Variants in ITPRID2 observed in about 807,000 individuals in gnomAD.
ITPRID2 encodes ITPR interacting domain containing 2.
In ITPRID2, 60 loss-of-function variants were observed where a neutral mutation model predicts 124.3. The observed-to-expected ratio is 0.48, with a 90% CI of 0.39 to 0.60. ITPRID2 has a LOEUF of 0.60. ITPRID2 is among the 20% of genes least tolerant of loss of function. The probability of loss-of-function intolerance (pLI) is 0.00; values close to 1 mark genes in which losing one functional copy is unlikely to be tolerated. For missense variants in ITPRID2, 1,553 were observed against 1,512.2 expected, an observed-to-expected ratio of 1.03 and a Z score of -0.45; for synonymous variants, 521 against 542.9, an observed-to-expected ratio of 0.96 and a Z score of 0.56.
chr2:181,926,261 C>T (rs1369475340), intron 16 of ITPRID2, among the ~76,000 whole-genome samples: 4 of 151,988 alleles, frequency 2.6e-5, no homozygotes, highest in Admixed American at 2.6e-4. Flanking sequence ...AAGACTCTGT[C>T]ACAAAAATAA....
chr2:181,911,521 A>C (rs1167968663), intron 9 of ITPRID2, among the ~76,000 whole-genome samples: 1 of 152,182 alleles, frequency 6.6e-6, no homozygotes, highest in African/African-American at 2.4e-5. Flanking sequence ...GAATAGATAG[A>C]CAGTTGTTTG....
Position 181,915,458 on chromosome 2 carries a change from A to T in ITPRID2, c.1818A>T (p.Gly606=). 1 of 1,614,222 alleles carries T rather than the reference A, an allele frequency of 6.2e-7. No homozygotes were observed. Among genetic ancestry groups the T allele is most frequent in the Non-Finnish European group, 8.5e-7 (1 of 1,180,042 alleles). The change falls in exon 11 of 18, where the codon GGA becomes GGT. Residue 606 remains glycine, a synonymous_variant. Transcript: ENST00000431877. The part of the protein sequence containing the change: ...FPQCNTIENT[G]TKQSTCSPGD... ...AGTGCAACACCATTGAGAATACAGGAACTAAACAGTCCACCTGTAGTCCAG... is the reference window on the plus strand; with the variant it reads ...AGTGCAACACCATTGAGAATACAGGTACTAAACAGTCCACCTGTAGTCCAG...
rs1558972318 is a variant in ITPRID2, at chr2:181,892,390, G to T, written c.211+113G>T. ...GAGCCTCGGGCACGGTAGGCCGAGGGGAGAGGGGACACTTCCGACCTTCAA... is the reference window on the plus strand; with the variant it reads ...GAGCCTCGGGCACGGTAGGCCGAGGTGAGAGGGGACACTTCCGACCTTCAA... On this transcript the variant is annotated intron_variant, in intron 1 of 17. Transcript: ENST00000431877. The surrounding 1 kb of genome is among the most constrained non-coding windows in gnomAD (Gnocchi z 5.2). 3 of 1,290,800 alleles carry T rather than the reference G, an allele frequency of 2.3e-6. No individual in the cohort carries two copies. In the East Asian group the frequency reaches 7.6e-5, roughly 33 times the overall value. 80.0% of individuals were successfully genotyped at this position (1,290,800 alleles called of 1,614,324 possible).
chr2:181,907,598 A>T lies in ITPRID2; in HGVS notation c.1414-2301A>T, dbSNP rs1394048159. On this transcript the variant is annotated intron_variant, in intron 8 of 17. Transcript: ENST00000431877. This position sits in a 1 kb window ranked among gnomAD's most constrained non-coding sequence, Gnocchi z 5.1. Reference sequence around the variant, plus strand: ...TCTTGTTAATTATGAAAGGCTGCTTATAGCAAATGACCAGAATTCTACGGA... The same window carrying T: ...TCTTGTTAATTATGAAAGGCTGCTTTTAGCAAATGACCAGAATTCTACGGA... Among the ~76,000 whole-genome samples the T allele has an allele frequency of 6.6e-6, 1 of 152,216 alleles. No individual in the cohort carries two copies. Among genetic ancestry groups the T allele is most frequent in the African/African-American group, 2.4e-5 (1 of 41,456 alleles).
At position 181,910,134 on chromosome 2, in the gene ITPRID2, A is replaced by AT. The variant is rs1693485732; in HGVS notation, c.1486+169dup. Among the ~76,000 whole-genome samples the AT allele has an allele frequency of 6.6e-6, 1 of 152,208 alleles. No individual in the cohort carries two copies. The highest frequency in any genetic ancestry group is 1.9e-4 in the East Asian group (1 of 5,168). ...CTATTGTTTGTAGAACTTTTTTTGT[A>AT]TTTTTTAAAAGACTTTTTAAAAATT... On this transcript the variant is annotated intron_variant, in intron 9 of 17. Coordinates refer to ENST00000431877, the MANE Select transcript of ITPRID2 (RefSeq NM_001130445.3). This position sits in a 1 kb window ranked among gnomAD's most constrained non-coding sequence, Gnocchi z 4.1.
intron 11 of ITPRID2, chr2:181,917,064 T>A (rs568115268): frequency 1.8e-4 from 175 of 959,258 alleles, no homozygotes; most frequent in African/African-American, 1.4e-3. Flanking sequence ...AAAGTCATTC[T>A]CAGATTTGTT....
intron 6 of ITPRID2, 103 bp from the exon 7 acceptor site, chr2:181,900,593 T>G: frequency 1.2e-6 from 1 of 844,144 alleles, no homozygotes; most frequent in Non-Finnish European, 1.8e-6. Flanking sequence ...GAAAAAAGAT[T>G]TTATCACAGG....
rs562571222 is a variant in ITPRID2 at position 181,930,049 on chromosome 2, T to C, written c.*502T>C. 6.5e-6 allele frequency: 1 copy of C among 153,804 alleles called. No homozygotes were observed. The allele number at this position is 153,804 out of a possible 1,614,324, so 9.5% of individuals were successfully genotyped here. Reference sequence around the variant, plus strand: ...AAAAACTGTTCTGTTGTAAAAAATATAATTGCTCTTAATTCTTGGGGAGGT... The same window carrying C: ...AAAAACTGTTCTGTTGTAAAAAATACAATTGCTCTTAATTCTTGGGGAGGT... On this transcript the variant is annotated 3_prime_UTR_variant, in exon 18 of 18. Transcript: ENST00000431877.
intron 9 of ITPRID2, among the ~76,000 whole-genome samples, chr2:181,912,795 G>A (rs1266705443): frequency 6.6e-6 from 1 of 152,150 alleles, no homozygotes; most frequent in Non-Finnish European, 1.5e-5. Context: ...TACTTGCTAT[G>A]CTTAGTTGGC....
intron 15 of ITPRID2, among the ~76,000 whole-genome samples, chr2:181,921,219 T>C (rs1404393479): frequency 6.6e-6 from 1 of 151,996 alleles, no homozygotes; most frequent in African/African-American, 2.4e-5. Flanking sequence ...GGCTCATGCC[T>C]GTAATCCCAG....
In ITPRID2 at chr2:181,892,515, A is replaced by G; in HGVS notation, c.212-100A>G. 6.9e-7 allele frequency: 1 copy of G among 1,459,258 alleles called. No homozygotes were observed. The highest frequency in any genetic ancestry group is 1.1e-5 in the South Asian group (1 of 87,464). 90.4% of individuals were successfully genotyped at this position (1,459,258 alleles called of 1,614,324 possible). Reference sequence around the variant, plus strand: ...CACTGAGACGTGTCGCTTAGGCTGCATTTGCCGTGGTAGATTTTCCTACTT... The same window carrying G: ...CACTGAGACGTGTCGCTTAGGCTGCGTTTGCCGTGGTAGATTTTCCTACTT... On this transcript the variant is annotated intron_variant, in intron 1 of 17. Transcript: ENST00000431877. The surrounding 1 kb of genome is among the most constrained non-coding windows in gnomAD (Gnocchi z 5.2).
intron 16 of ITPRID2, among the ~76,000 whole-genome samples, chr2:181,925,700 A>T (rs1017144857): frequency 1.3e-5 from 2 of 152,064 alleles, no homozygotes; most frequent in Non-Finnish European, 2.9e-5. Flanking sequence ...CTCACAGTAC[A>T]CCTTCCATCT....
intron 16 of ITPRID2, among the ~76,000 whole-genome samples, chr2:181,926,817 T>C (rs1191389218): frequency 6.6e-6 from 1 of 152,152 alleles, no homozygotes; most frequent in Non-Finnish European, 1.5e-5. Flanking sequence ...GTAGCAGGAC[T>C]GGAAAGACTA....
At chr2:181,894,499 CTT>C (rs1558975534) in intron 2 of ITPRID2, 1 of 152,164 alleles carries the variant, frequency 6.6e-6, no homozygotes, top group Non-Finnish European at 1.5e-5. Flanking sequence ...ACAGATTCGA[CTT>C]AGGATATGTT....
intron 11 of ITPRID2, chr2:181,917,413 T>G (rs753403465): frequency 6.6e-6 from 1 of 152,224 alleles, no homozygotes; most frequent in Non-Finnish European, 1.5e-5. Context: ...GTTTTCTGTT[T>G]AAACAGAATG....
chr2:181,927,361 A>T (rs964410846), intron 16 of ITPRID2, among the ~76,000 whole-genome samples: 2 of 152,222 alleles, frequency 1.3e-5, no homozygotes, highest in Non-Finnish European at 2.9e-5. Flanking sequence ...AGGGCTATTT[A>T]AAAGTGATGC....
At chr2:181,913,114 CTGGAGTGCAG>C (rs1693742575) in intron 9 of ITPRID2, among the ~76,000 whole-genome samples, 1 of 151,940 alleles carries the variant, frequency 6.6e-6, no homozygotes, top group Non-Finnish European at 1.5e-5. Context: ...GTCGCCCAGG[CTGGAGTGCAG>C]TGGCACAATC....
Position 181,891,822 on chromosome 2 carries a change from G to C in ITPRID2, c.-245G>C, listed in dbSNP as rs559882735. 11 of 331,248 alleles carry C rather than the reference G, an allele frequency of 3.3e-5. No homozygotes were observed. Among genetic ancestry groups the C allele is most frequent in the Non-Finnish European group, 4.6e-5 (9 of 196,424 alleles). 20.5% of individuals were successfully genotyped at this position (331,248 alleles called of 1,614,324 possible). ...GCTCGGCTCCCAGCCGCGCTCCCTC[G>C]GGCCACTAGCGCTCCCGCGCGCGCC... On this transcript the variant is annotated 5_prime_UTR_variant, in exon 1 of 18. Coordinates refer to ENST00000431877, the MANE Select transcript of ITPRID2 (RefSeq NM_001130445.3).
Position 181,900,812 on chromosome 2 carries a change from C to T in ITPRID2, c.620C>T (p.Ser207Leu), listed in dbSNP as rs1433486767. 1 of 1,613,168 alleles carries T rather than the reference C, an allele frequency of 6.2e-7. No individual in the cohort carries two copies. Among genetic ancestry groups the T allele is most frequent in the Admixed American group, 1.7e-5 (1 of 59,912 alleles). The change falls in exon 7 of 18, where the codon TCA becomes TTA. Residue 207 changes from serine (S) to leucine (L), a missense_variant. Coordinates refer to ENST00000431877, the MANE Select transcript of ITPRID2 (RefSeq NM_001130445.3). ...ASKIPSRFFN[S>L]SSFAKGIDIK... ...AAAATTCCTTCCAGATTTTTTAATTCATCATCCTTTGCCAAAGGGATAGAT... is the reference window on the plus strand; with the variant it reads ...AAAATTCCTTCCAGATTTTTTAATTTATCATCCTTTGCCAAAGGGATAGAT...
Sources: gnomAD v4.1 joint callset for allele counts (sites outside exome capture counted in the v4.1 genomes callset) on GRCh38, gnomAD v4.1.1 for gene constraint, Gnocchi (gnomAD v3.1) non-coding constraint, MANE v1.5 for transcripts, NCBI Gene and HGNC (gene_info 2026-07-23, HGNC 2026-07-21) for gene names.